Variants in TG observed in about 807,000 individuals in gnomAD.
TG encodes the protein thyroid hormones.
Under a neutral mutation model 324.7 loss-of-function variants are expected in TG, and 270 were observed. That is an observed-to-expected ratio of 0.83 (90% CI 0.75 to 0.92). The LOEUF is 0.92. TG is among the 40% of genes least tolerant of loss of function. The pLI is 0.00. For missense variants in TG, 3,591 were observed against 3,456.4 expected, an observed-to-expected ratio of 1.04 and a Z score of -0.98; for synonymous variants, 1,401 against 1,327.0, an observed-to-expected ratio of 1.06 and a Z score of -1.21.
intron 45 of TG, among the ~76,000 whole-genome samples, chr8:133,125,032 A>G (rs1463045377): frequency 3.9e-5 from 6 of 151,984 alleles, no homozygotes; most frequent in Admixed American, 1.3e-4. Context: ...TCATTTTCTG[A>G]AACTGATCAC....
At chr8:133,036,358 C>A (rs913510709) in intron 41 of TG, among the ~76,000 whole-genome samples, 4 of 152,198 alleles carry the variant, frequency 2.6e-5, no homozygotes, top group African/African-American at 9.7e-5. Flanking sequence ...AGTACCTGAG[C>A]AGTGTCTATT....
intron 29 of TG, among the ~76,000 whole-genome samples, chr8:132,963,946 A>G (rs1354466344): frequency 6.6e-6 from 1 of 152,064 alleles, no homozygotes; most frequent in Non-Finnish European, 1.5e-5. Flanking sequence ...CCCTGGATTC[A>G]TGTGTAAAAG....
At chr8:132,946,059 CA>C (rs1563987900) in intron 26 of TG, among the ~76,000 whole-genome samples, 30 of 152,014 alleles carry the variant, frequency 2.0e-4, no homozygotes, top group East Asian at 3.9e-4. Context: ...CACACACACA[CA>C]CACACACACA....
chr8:132,929,240 A>T (rs1454650148), intron 23 of TG, 48 bp downstream of exon 23: 1 of 1,428,346 alleles, frequency 7.0e-7, no homozygotes, highest in Non-Finnish European at 9.9e-7. Context: ...TGTGGAAATA[A>T]GCTCTGCTGA....
intron 43 of TG, among the ~76,000 whole-genome samples, chr8:133,100,196 T>C (rs1011172702): frequency 2.0e-5 from 3 of 152,206 alleles, no homozygotes; most frequent in African/African-American, 7.2e-5. Context: ...TTTTTTCTTC[T>C]GGAATGTTCT....
Position 132,924,561 on chromosome 8 carries a change from G to C in TG, c.4699+1053G>C, listed in dbSNP as rs544606806. On this transcript the variant is annotated intron_variant, in intron 22 of 47. Coordinates refer to ENST00000220616, the MANE Select transcript of TG (RefSeq NM_003235.5). Reference sequence around the variant, plus strand: ...CGTATTGAGCTCTACCCTGTACCACGTACAGTTCCTCAGTGAGATACTGGA... The same window carrying C: ...CGTATTGAGCTCTACCCTGTACCACCTACAGTTCCTCAGTGAGATACTGGA... 2.0e-5 allele frequency among the ~76,000 whole-genome samples: 3 copies of C among 152,182 alleles called. No individual in the cohort carries two copies. The South Asian group carries it at 6.2e-4, about 31-fold the overall frequency.
Position 133,022,127 on chromosome 8 carries a change from G to C in TG, c.7013G>C (p.Gly2338Ala), listed in dbSNP as rs1339017515. Residue 2338 changes from glycine (G) to alanine (A), a missense_variant, in exon 40 of 48, where the codon GGT becomes GCT. By Grantham distance (60) the Gly-to-Ala change is moderately conservative (BLOSUM62 0). Coordinates refer to ENST00000220616, the MANE Select transcript of TG (RefSeq NM_003235.5). ...GTGGTCACTGCCAGCTACCGAGTGGGTGTCTTCGGCTTCCTGAGTTCTGGT... is the reference window on the plus strand; with the variant it reads ...GTGGTCACTGCCAGCTACCGAGTGGCTGTCTTCGGCTTCCTGAGTTCTGGT... ...LIVVTASYRVGVFGFLSSGSG... is the reference protein window; with the variant it reads ...LIVVTASYRVAVFGFLSSGSG... The C allele has an allele frequency of 6.2e-7, 1 of 1,614,164 alleles. No individual in the cohort carries two copies. Among genetic ancestry groups the C allele is most frequent in the Non-Finnish European group, 8.5e-7 (1 of 1,180,036 alleles).
chr8:133,047,205 A>G (rs1352905357), intron 41 of TG: 4 of 152,224 alleles, frequency 2.6e-5, no homozygotes, highest in Non-Finnish European at 5.9e-5. Flanking sequence ...AGCTCACTCT[A>G]TTTGTGTTTT....
In TG at chr8:133,011,942, G is replaced by C. The variant is rs1022412169; in HGVS notation, c.6304G>C (p.Val2102Leu). The C allele has an allele frequency of 1.9e-6, 3 of 1,614,078 alleles. No individual in the cohort carries two copies. The African/African-American group carries it at 4.0e-5, about 22-fold the overall frequency. ...GCAGTCCCTGGCCCTCTCTTCAGTG[G>C]TTGTTGATCCATCCATTAGGCACTT... ...SWQSLALSSV[V>L]VDPSIRHFDV... The change falls in exon 36 of 48, where the codon GTT becomes CTT. Residue 2102 changes from valine (V) to leucine (L), a missense_variant. Val to Leu is a conservative substitution (Grantham distance 32). Coordinates refer to ENST00000220616, the MANE Select transcript of TG (RefSeq NM_003235.5).
intron 41 of TG, 90 bp downstream of exon 41, chr8:133,030,113 A>AT: frequency 6.6e-7 from 1 of 1,512,728 alleles, no homozygotes; most frequent in East Asian, 2.3e-5. Context: ...GTTGGCTTCA[A>AT]TTGCTTGGGT....
At chr8:133,000,288 G>T (rs1267473939) in intron 35 of TG, among the ~76,000 whole-genome samples, 1 of 152,166 alleles carries the variant, frequency 6.6e-6, no homozygotes, top group Non-Finnish European at 1.5e-5. Context: ...ATGACTCATT[G>T]GGGTAAACAG....
Position 132,908,268 on chromosome 8 carries a change from C to G in TG, c.3930C>G (p.Tyr1310Ter). ...CGGGCAAGATGTGCAGTGCTGACTA[C>G]GCGGATTTGCTGCAGACTTTCCAGG... ...LPPGKMCSAD[Y>*]ADLLQTFQVF... The change falls in exon 18 of 48, where the codon TAC becomes TAG. Residue 1310 changes from tyrosine to a stop codon, truncating the protein, a stop_gained. Coordinates refer to ENST00000220616, the MANE Select transcript of TG (RefSeq NM_003235.5). LOFTEE classifies it high-confidence loss of function. The G allele has an allele frequency of 1.2e-6, 2 of 1,613,902 alleles. No homozygotes were observed. The highest frequency in any genetic ancestry group is 1.7e-6 in the Non-Finnish European group (2 of 1,179,970).
intron 27 of TG, among the ~76,000 whole-genome samples, chr8:132,958,167 G>A (rs1464194111): frequency 6.6e-6 from 1 of 152,162 alleles, no homozygotes; most frequent in Non-Finnish European, 1.5e-5. Flanking sequence ...AGACTTGAGA[G>A]CAATACAATA....
At chr8:133,075,451 AG>A (rs1844721785) in intron 41 of TG, among the ~76,000 whole-genome samples, 1 of 152,234 alleles carries the variant, frequency 6.6e-6, no homozygotes, top group African/African-American at 2.4e-5. Context: ...GTGTGCGTCA[AG>A]GGAAAAAAAC....
chr8:133,134,895 G>A lies in TG; in HGVS notation c.*101G>A. 1.1e-6 allele frequency: 1 copy of A among 877,972 alleles called. No individual in the cohort carries two copies. The allele number at this position is 877,972 out of a possible 1,614,324, so 54.4% of individuals were successfully genotyped here. A position where few individuals can be genotyped will look rare whatever the true frequency, so the allele number is the denominator to read the frequency against. Reference sequence around the variant, plus strand: ...ACCTTCAATAAAGTATCTACATGCGGTGAAGCATTGTTGACTCTAATGTGT... The same window carrying A: ...ACCTTCAATAAAGTATCTACATGCGATGAAGCATTGTTGACTCTAATGTGT... On this transcript the variant is annotated 3_prime_UTR_variant, in exon 48 of 48. Coordinates refer to ENST00000220616, the MANE Select transcript of TG (RefSeq NM_003235.5).
chr8:133,059,259 G>A (rs776556895), intron 41 of TG: 31 of 393,536 alleles, frequency 7.9e-5, no homozygotes, highest in African/African-American at 5.8e-4. Flanking sequence ...AGTGTTCCAA[G>A]GTGCCCCCTG....
At chr8:132,874,884 G>T (rs573282976) in intron 5 of TG, among the ~76,000 whole-genome samples, 2 of 152,272 alleles carry the variant, frequency 1.3e-5, no homozygotes, top group Admixed American at 6.5e-5. Context: ...TTAGACCAAG[G>T]ACACGCCCTT....
intron 37 of TG, 125 bp downstream of exon 37, chr8:133,013,889 C>T (rs1834773051): frequency 2.5e-6 from 3 of 1,178,848 alleles, no homozygotes; most frequent in South Asian, 1.3e-5. Flanking sequence ...CTAGGTGGCA[C>T]TCACTTGAGG....
intron 34 of TG, among the ~76,000 whole-genome samples, chr8:132,979,788 C>A (rs1362295001): frequency 6.6e-6 from 1 of 152,144 alleles, no homozygotes; most frequent in East Asian, 1.9e-4. Context: ...ATTCTTCAAC[C>A]CTCTGTTCCA....
Sources: gnomAD v4.1 joint callset for allele counts (sites outside exome capture counted in the v4.1 genomes callset) on GRCh38, gnomAD v4.1.1 for gene constraint, MANE v1.5 for transcripts, NCBI Gene and HGNC (gene_info 2026-07-23, HGNC 2026-07-21) for gene names.